MLKL: variants seen among roughly 807,000 people sequenced by gnomAD.
MLKL encodes mixed lineage kinase domain-like protein.
In MLKL, 55 loss-of-function variants were observed where a neutral mutation model predicts 56.5. The ratio of observed to expected loss-of-function variants is 0.97; its 90% confidence interval spans 0.78 to 1.22. The LOEUF is 1.22. Among genes scored for constraint, MLKL ranks in the 50% most tolerant of loss-of-function variants. The pLI, the probability that MLKL is intolerant of heterozygous loss-of-function variation, is 0.00. For synonymous variants in MLKL, 251 were observed against 208.3 expected, an observed-to-expected ratio of 1.20 and a Z score of -1.76; for missense variants, 694 against 573.9, an observed-to-expected ratio of 1.21 and a Z score of -2.14.
intron 4 of MLKL, 118 bp from the exon 5 acceptor site, chr16:74,685,701 C>T (rs112588261): frequency 1.3e-5 from 10 of 744,810 alleles, no homozygotes; most frequent in African/African-American, 1.2e-4. Context: ...GGGGTGAGAA[C>T]TGGTGCCAGG....
intron 2 of MLKL, among the ~76,000 whole-genome samples, chr16:74,694,223 T>C (rs1231186613): frequency 3.9e-5 from 6 of 152,218 alleles, no homozygotes; most frequent in African/African-American, 1.4e-4. Context: ...GATTGTGTGA[T>C]TGTATCTCAG....
intron 4 of MLKL, among the ~76,000 whole-genome samples, chr16:74,689,706 G>A (rs888143337): frequency 6.6e-6 from 1 of 152,068 alleles, no homozygotes; most frequent in Non-Finnish European, 1.5e-5. Flanking sequence ...TGATCAGTGG[G>A]AAAGATTAGA....
At chr16:74,679,074 AC>A in intron 6 of MLKL, 94 bp from the exon 7 acceptor site, 1 of 943,962 alleles carries the variant, frequency 1.1e-6, no homozygotes. Flanking sequence ...GCTGGACAGT[AC>A]CATGGGTGCC....
chr16:74,687,914 C>T (rs1960432289), intron 4 of MLKL, among the ~76,000 whole-genome samples: 1 of 151,968 alleles, frequency 6.6e-6, no homozygotes, highest in African/African-American at 2.4e-5. Flanking sequence ...CAAGCTCTGC[C>T]TCTCAGGTTC....
intron 10 of MLKL, among the ~76,000 whole-genome samples, chr16:74,673,952 T>TAAAAAAAAAAAAAAAAAAA (rs5817923): frequency 9.6e-6 from 1 of 104,670 alleles, no homozygotes; most frequent in Non-Finnish European, 1.8e-5. Flanking sequence ...ACCTCCTCTC[T>TAAAAAAAAAAAAAAAAAAA]AAAAAAAAAA....
rs1309899005 is a variant in MLKL at position 74,685,366 on chromosome 16, T to A, written c.820+120A>T. ...AAAAAAAAAAAATTAACATTGATAA[T>A]AATCACACTTTGTGGATTCCACCCT... On this transcript the variant is annotated intron_variant, in intron 5 of 10. Coordinates refer to ENST00000308807, the MANE Select transcript of MLKL (RefSeq NM_152649.4). 5 of 728,208 alleles carry A rather than the reference T, an allele frequency of 6.9e-6. No homozygotes were observed. The Admixed American group carries it at 1.0e-4, about 15-fold the overall frequency. 45.1% of individuals were successfully genotyped at this position (728,208 alleles called of 1,614,324 possible).
chr16:74,682,514 T>A, intron 6 of MLKL, 137 bp downstream of exon 6: 1 of 1,221,494 alleles, frequency 8.2e-7, no homozygotes, highest in South Asian at 1.7e-5. Context: ...CTATCTGTAA[T>A]CAGAGTAAAT....
intron 7 of MLKL, chr16:74,677,934 C>G (rs918304133): frequency 6.6e-6 from 1 of 152,340 alleles, no homozygotes; most frequent in Non-Finnish European, 1.5e-5. Context: ...CCCGCCTTAG[C>G]CTCCCTAAGT....
chr16:74,688,124 A>G lies in MLKL; in HGVS notation c.723-2541T>C, dbSNP rs536197394. Among the ~76,000 whole-genome samples, 187 of 152,086 alleles carry G rather than the reference A, an allele frequency of 1.2e-3. 2 individuals are homozygous for G. Among genetic ancestry groups the G allele is most frequent in the South Asian group, 5.8e-3 (28 of 4,820 alleles). On this transcript the variant is annotated intron_variant, in intron 4 of 10. Transcript: ENST00000308807. ...CAGTCGTGAGCCACTGCGCCCAGCC[A>G]ACGCCCGGCTAATTTTTGTATTTTT...
At chr16:74,677,031 G>C (rs958298602) in intron 7 of MLKL, 1 of 151,828 alleles carries the variant, frequency 6.6e-6, no homozygotes, top group Non-Finnish European at 1.5e-5. Flanking sequence ...ATGCTTTGTA[G>C]CAAATTTTTC....
At chr16:74,698,405 C>G (rs756085660) in intron 1 of MLKL, among the ~76,000 whole-genome samples, 2 of 152,096 alleles carry the variant, frequency 1.3e-5, no homozygotes, top group Non-Finnish European at 2.9e-5. Flanking sequence ...AGAAGTGAAA[C>G]TAAATAAATG....
intron 5 of MLKL, 68 bp from the exon 6 acceptor site, chr16:74,682,854 C>A (rs1960078129): frequency 1.9e-6 from 3 of 1,559,176 alleles, no homozygotes; most frequent in Admixed American, 3.6e-5. Flanking sequence ...TGCAGCCCAC[C>A]TCTCCCAGCC....
chr16:74,680,981 T>C (rs1959930663), intron 6 of MLKL, among the ~76,000 whole-genome samples: 1 of 152,160 alleles, frequency 6.6e-6, no homozygotes, highest in Non-Finnish European at 1.5e-5. Context: ...GTTTTCAATT[T>C]ATGGTAGTAA....
intron 4 of MLKL, among the ~76,000 whole-genome samples, chr16:74,689,756 A>T (rs1448779644): frequency 2.0e-5 from 3 of 152,208 alleles, no homozygotes; most frequent in African/African-American, 7.2e-5. Context: ...AAAACTTAAT[A>T]TACAATAAAT....
chr16:74,696,995 A>ATATATATGTAATAT (rs1473706652), intron 1 of MLKL, among the ~76,000 whole-genome samples: 36 of 146,738 alleles, frequency 2.5e-4, no homozygotes, highest in Admixed American at 4.8e-4. Context: ...ATATATAGTA[A>ATATATATGTAATAT]TACATATATA....
intron 5 of MLKL, among the ~76,000 whole-genome samples, chr16:74,684,004 G>A (rs1297805796): frequency 6.6e-6 from 1 of 152,088 alleles, no homozygotes; most frequent in East Asian, 1.9e-4. Context: ...CTGGAGTGCA[G>A]TGGCATGATA....
At chr16:74,679,130 T>C in intron 6 of MLKL, 150 bp from the exon 7 acceptor site, 1 of 633,338 alleles carries the variant, frequency 1.6e-6, no homozygotes, top group Non-Finnish European at 2.9e-6. Flanking sequence ...AGGCAAGGTT[T>C]GAGAATCACA....
At chr16:74,680,505 T>G (rs1163708103) in intron 6 of MLKL, among the ~76,000 whole-genome samples, 1 of 152,122 alleles carries the variant, frequency 6.6e-6, no homozygotes, top group Non-Finnish European at 1.5e-5. Flanking sequence ...GTTTTTGTTT[T>G]TTGTTTTTTG....
chr16:74,677,437 G>C (rs1054809786), intron 7 of MLKL: 1 of 152,230 alleles, frequency 6.6e-6, no homozygotes, highest in Non-Finnish European at 1.5e-5. Context: ...CTGCAGCCTT[G>C]ACCTCCTGGG....
Sources: allele counts gnomAD v4.1 joint callset (sites outside exome capture counted in the v4.1 genomes callset), GRCh38; gene constraint gnomAD v4.1.1; transcripts MANE v1.5; gene names NCBI Gene and HGNC (gene_info 2026-07-23, HGNC 2026-07-21).